OSBPL9: variants seen among roughly 807,000 people sequenced by gnomAD.
OSBPL9 encodes oxysterol-binding protein-related protein 9.
In OSBPL9, 40 loss-of-function variants were observed where a neutral mutation model predicts 106.6. The ratio of observed to expected loss-of-function variants is 0.38; its 90% CI spans 0.29 to 0.49. The LOEUF (loss-of-function observed/expected upper bound fraction) is 0.49, where lower values mean the gene tolerates loss of function less well. Among genes scored for constraint, OSBPL9 ranks in the 20% least tolerant of loss-of-function variants. OSBPL9 has a pLI of 0.97. For synonymous variants in OSBPL9, 269 were observed against 295.4 expected, an observed-to-expected ratio of 0.91 and a Z score of 0.92; for missense variants, 609 against 887.2, an observed-to-expected ratio of 0.69 and a Z score of 3.98.
At chr1:51,614,015 T>C (rs567336981), upstream of OSBPL9, among the ~76,000 whole-genome samples, 6 of 152,254 alleles carry the variant, frequency 3.9e-5, no homozygotes, top group South Asian at 1.0e-3. Flanking sequence ...ACTCCTGGGC[T>C]CGAGCTGTCC....
At chr1:51,787,245 C>A in intron 22 of OSBPL9, 108 bp from the exon 23 acceptor site, 4 of 1,085,282 alleles carry the variant, frequency 3.7e-6, no homozygotes, top group Admixed American at 2.0e-5. Context: ...GAGATTTAGT[C>A]TGTGACCTAC....
chr1:51,682,499 C>T (rs1287285660), intron 3 of OSBPL9, among the ~76,000 whole-genome samples: 2 of 152,130 alleles, frequency 1.3e-5, no homozygotes, highest in Non-Finnish European at 2.9e-5. Context: ...GTGTCTCACA[C>T]CTGTAATCCC....
At chr1:51,576,018 A>C (rs181956704), upstream of OSBPL9, among the ~76,000 whole-genome samples, 3 of 152,252 alleles carry the variant, frequency 2.0e-5, no homozygotes, top group East Asian at 5.8e-4. Flanking sequence ...CCCATTCACC[A>C]CATAAGTAAT....
At chr1:51,773,372 G>A (rs542495962) in intron 14 of OSBPL9, among the ~76,000 whole-genome samples, 7 of 152,238 alleles carry the variant, frequency 4.6e-5, no homozygotes, top group Admixed American at 3.9e-4. Flanking sequence ...CTGCCACTGT[G>A]CTAGAAAACC....
intron 15 of OSBPL9, among the ~76,000 whole-genome samples, chr1:51,778,567 T>C (rs1184710566): frequency 6.6e-6 from 1 of 152,202 alleles, no homozygotes; most frequent in Admixed American, 6.5e-5. Flanking sequence ...AAAGCATCTA[T>C]TTATCAAGAA....
At chr1:51,711,490 G>A (rs1571248255) in intron 3 of OSBPL9, among the ~76,000 whole-genome samples, 1 of 140,730 alleles carries the variant, frequency 7.1e-6, no homozygotes, top group East Asian at 2.1e-4. Flanking sequence ...CTCCCGGACG[G>A]GGCGGCTGGC....
intron 3 of OSBPL9, among the ~76,000 whole-genome samples, chr1:51,692,064 T>C (rs113149642): frequency 6.6e-6 from 1 of 152,178 alleles, no homozygotes; most frequent in Non-Finnish European, 1.5e-5. Flanking sequence ...TCCCAGCACT[T>C]TGGGAGGCCA....
At chr1:51,571,041 G>A in the OSBPL9 span, among the ~76,000 whole-genome samples, 4 of 152,044 alleles carry the variant, frequency 2.6e-5, no homozygotes, top group Admixed American at 1.3e-4. Context: ...GGCTGGTCTC[G>A]AACTCCTGAC....
chr1:51,527,440 G>A, the OSBPL9 span, among the ~76,000 whole-genome samples: 17 of 152,080 alleles, frequency 1.1e-4, no homozygotes, highest in Non-Finnish European at 2.4e-4. Flanking sequence ...TGTTGCCCAG[G>A]ATGGAGTGCA....
In OSBPL9 at chr1:51,787,708, C is replaced by A. The variant is rs533536240; in HGVS notation, c.2137-7C>A. On this transcript the variant is annotated splice_polypyrimidine_tract_variant and splice_region_variant and intron_variant, in intron 23 of 23. Transcript: ENST00000428468. ...ATGTAACTAAATTCTTCCTCTTTGT[C>A]TTACAGTTATTTCATGAAGATGGAG... 6.2e-7 allele frequency: 1 copy of A among 1,611,508 alleles called. No homozygotes were observed. Among genetic ancestry groups the A allele is most frequent in the East Asian group, 2.2e-5 (1 of 44,862 alleles).
At chr1:51,751,006 A>T (rs573378839) in intron 8 of OSBPL9, among the ~76,000 whole-genome samples, 74 of 152,376 alleles carry the variant, frequency 4.9e-4, no homozygotes, top group Non-Finnish European at 1.0e-3. Flanking sequence ...AGCATAGGAC[A>T]GTCCATTTGC....
At chr1:51,520,968 C>T in the OSBPL9 span, among the ~76,000 whole-genome samples, 1 of 152,196 alleles carries the variant, frequency 6.6e-6, no homozygotes, top group South Asian at 2.1e-4. Flanking sequence ...CACTTATCAG[C>T]CATAACCACA....
At chr1:51,757,323 G>A (rs1016346994) in intron 9 of OSBPL9, among the ~76,000 whole-genome samples, 1 of 151,976 alleles carries the variant, frequency 6.6e-6, no homozygotes, top group Admixed American at 6.6e-5. Context: ...GATCCATGGT[G>A]ATATAATACA....
intron 3 of OSBPL9, among the ~76,000 whole-genome samples, chr1:51,678,801 A>T (rs1466355696): frequency 6.6e-6 from 1 of 152,248 alleles, no homozygotes. Flanking sequence ...CATTAACATC[A>T]ATCAATTTAG....
intron 1 of OSBPL9, among the ~76,000 whole-genome samples, chr1:51,632,998 T>C (rs1645201960): frequency 6.6e-6 from 1 of 151,958 alleles, no homozygotes; most frequent in African/African-American, 2.4e-5. Context: ...TGAGACCGAG[T>C]CTTACTCTGT....
chr1:51,668,555 G>A (rs1278131849), intron 2 of OSBPL9, among the ~76,000 whole-genome samples: 3 of 152,196 alleles, frequency 2.0e-5, no homozygotes, highest in Non-Finnish European at 2.9e-5. Flanking sequence ...CTGGGAGGTG[G>A]AGGTTGCAGT....
At chr1:51,726,784 A>G (rs1663202575) in intron 4 of OSBPL9, among the ~76,000 whole-genome samples, 2 of 152,220 alleles carry the variant, frequency 1.3e-5, no homozygotes, top group Non-Finnish European at 2.9e-5. Flanking sequence ...TTCAACTCAT[A>G]ATAGGCTTTA....
intron 4 of OSBPL9, among the ~76,000 whole-genome samples, chr1:51,735,847 C>G (rs1439721321): frequency 6.6e-6 from 1 of 152,178 alleles, no homozygotes; most frequent in East Asian, 1.9e-4. Flanking sequence ...TGTTTTACTA[C>G]CATTTATTTC....
chr1:51,644,388 G>A (rs545930572), intron 1 of OSBPL9, among the ~76,000 whole-genome samples: 3 of 152,092 alleles, frequency 2.0e-5, no homozygotes, highest in East Asian at 3.9e-4. Flanking sequence ...GTGTAGTGGC[G>A]CAATCTCGGC....
Sources: gnomAD v4.1 joint callset for allele counts (sites outside exome capture counted in the v4.1 genomes callset) on GRCh38, gnomAD v4.1.1 for gene constraint, MANE v1.5 for transcripts, NCBI Gene and HGNC (gene_info 2026-07-23, HGNC 2026-07-21) for gene names.